NPAS1: variants seen among roughly 807,000 people sequenced by gnomAD.
NPAS1 encodes the protein neuronal PAS domain protein 1.
Under a neutral mutation model 49.2 loss-of-function variants are expected in NPAS1, and 29 were observed. That is an observed-to-expected ratio of 0.59 (90% CI 0.44 to 0.80). NPAS1 has a LOEUF of 0.80. Ranked by LOEUF, NPAS1 falls within the 30% of genes least tolerant of loss-of-function variation. The pLI, the probability that NPAS1 is intolerant of heterozygous loss-of-function variation, is 0.00. For synonymous variants in NPAS1, 408 were observed against 380.4 expected, an observed-to-expected ratio of 1.07 and a Z score of -0.84; for missense variants, 825 against 835.5, an observed-to-expected ratio of 0.99 and a Z score of 0.15.
Position 47,045,570 on chromosome 19 carries a change from G to A in NPAS1, c.1692G>A (p.Ala564=), listed in dbSNP as rs1032703471. The A allele has an allele frequency of 1.3e-6, 2 of 1,492,550 alleles. No individual in the cohort carries two copies. Among genetic ancestry groups the A allele is most frequent in the Non-Finnish European group, 1.8e-6 (2 of 1,131,696 alleles). 92.5% of individuals were successfully genotyped at this position (1,492,550 alleles called of 1,614,324 possible). ...PHLQRLGPGP[A]LPEAFYPPLG... ...TGCAGAGGCTGGGTCCGGGCCCCGC[G>A]CTCCCGGAGGCCTTTTACCCGCCCC... Residue 564 remains alanine (A), a synonymous_variant, in exon 12 of 12, where the codon GCG becomes GCA. Coordinates refer to ENST00000602212, the MANE Select transcript of NPAS1 (RefSeq NM_002517.4).
intron 11 of NPAS1, among the ~76,000 whole-genome samples, chr19:47,044,005 G>A (rs1419129001): frequency 6.6e-6 from 1 of 152,142 alleles, no homozygotes. Context: ...GTTAGAGGCT[G>A]CAGTGCGCTG....
chr19:47,032,597 G>C (rs1398424048), intron 4 of NPAS1, 46 bp from the exon 5 acceptor site: 1 of 1,550,946 alleles, frequency 6.4e-7, no homozygotes, highest in African/African-American at 1.4e-5. Context: ...TGGACAGAGG[G>C]ACACCGGGTC....
intron 5 of NPAS1, among the ~76,000 whole-genome samples, chr19:47,033,481 A>G (rs2056922615): frequency 6.6e-6 from 1 of 151,902 alleles, no homozygotes; most frequent in African/African-American, 2.4e-5. Context: ...ATCTCAGGCA[A>G]TCCGCCTGCC....
Position 47,035,905 on chromosome 19 carries a change from G to A in NPAS1, c.523-59G>A, listed in dbSNP as rs533813857. The A allele has an allele frequency of 1.2e-5, 17 of 1,452,580 alleles. No individual in the cohort carries two copies. In the East Asian group the frequency reaches 3.5e-4, roughly 30 times the overall value. 90.0% of individuals were successfully genotyped at this position (1,452,580 alleles called of 1,614,324 possible). On this transcript the variant is annotated intron_variant, in intron 5 of 11. Transcript: ENST00000602212. ...TGAGGCAAGGCTGAGCCCAGAGGGC[G>A]AGCGAGTTACTGCGCGCGCACCTCA...
rs1281717779 is a variant in NPAS1, at chr19:47,040,453, C to T, written c.972C>T (p.Asp324=). 2 of 1,596,192 alleles carry T rather than the reference C, an allele frequency of 1.3e-6. No homozygotes were observed. The highest frequency in any genetic ancestry group is 2.3e-5 in the South Asian group (2 of 87,904). ...CTCTGTCACCCCCCAGAGTCAGCGA[C>T]CACATGGACCTGGGGCCCTCAGAGC... ...TILACESRVS[D]HMDLGPSELV... The change falls in exon 9 of 12, where the codon GAC becomes GAT. Residue 324 remains aspartate (D), a synonymous_variant. Coordinates refer to ENST00000602212, the MANE Select transcript of NPAS1 (RefSeq NM_002517.4).
intron 3 of NPAS1, among the ~76,000 whole-genome samples, chr19:47,023,040 C>T (rs775882866): frequency 4.6e-5 from 7 of 152,244 alleles, no homozygotes; most frequent in Non-Finnish European, 8.8e-5. Context: ...GGCTCCAATT[C>T]CCCTCCTGCC....
chr19:47,035,968 A>C lies in NPAS1; in HGVS notation c.527A>C (p.Glu176Ala), dbSNP rs1216445495. The change falls in exon 6 of 12, where the codon GAG becomes GCG. Residue 176 changes from glutamate (E) to alanine (A), a missense_variant. Physicochemically the swap from Glu to Ala is moderately radical, Grantham distance 107. Coordinates refer to ENST00000602212, the MANE Select transcript of NPAS1 (RefSeq NM_002517.4). The part of the protein sequence containing the change: ...VSIYLGLSQV[E>A]MTGSSVFDYI... ...ATTCCCCTCCTTCGCCGGCAGGTGG[A>C]GATGACGGGCAGCAGCGTCTTCGAC... The C allele has an allele frequency of 6.6e-7, 1 of 1,519,606 alleles. No individual in the cohort carries two copies. The highest frequency in any genetic ancestry group is 1.4e-5 in the African/African-American group (1 of 71,620). 94.1% of individuals were successfully genotyped at this position (1,519,606 alleles called of 1,614,324 possible).
chr19:47,045,069 A>C (rs10423289), intron 11 of NPAS1, 122 bp from the exon 12 acceptor site: 291,047 of 922,754 alleles, frequency 0.32, 50,449 homozygotes, highest in African/African-American at 0.53. Flanking sequence ...AACAAACAAA[A>C]AAAAAAACCC....
chr19:47,024,110 T>C (rs923642089), intron 3 of NPAS1, among the ~76,000 whole-genome samples: 2 of 151,348 alleles, frequency 1.3e-5, no homozygotes, highest in Admixed American at 6.6e-5. Flanking sequence ...TCTCAAAAAA[T>C]ATATAAAAAT....
In NPAS1 at chr19:47,039,412, C is replaced by T. The variant is rs757979823; in HGVS notation, c.810C>T (p.Ile270=). The T allele has an allele frequency of 3.7e-6, 6 of 1,611,818 alleles. No individual in the cohort carries two copies. The South Asian group carries it at 6.6e-5, about 18-fold the overall frequency. The change falls in exon 8 of 12, where the codon ATC becomes ATT. Residue 270 remains isoleucine (I), a synonymous_variant. Transcript: ENST00000602212. ...LHVKASGYKV[I]HVTGRLRAHA... ...ACCATGCCCACCACCAGCAGGTCAT[C>T]CACGTGACTGGGCGCCTTCGGGCCC...
At chr19:47,040,242 C>T (rs1453325378) in intron 8 of NPAS1, among the ~76,000 whole-genome samples, 1 of 152,014 alleles carries the variant, frequency 6.6e-6, no homozygotes, top group Non-Finnish European at 1.5e-5. Context: ...AGGCTGGTCT[C>T]GAACTCCTGA....
At chr19:47,043,266 G>A (rs1185299960) in intron 11 of NPAS1, among the ~76,000 whole-genome samples, 12 of 83,558 alleles carry the variant, frequency 1.4e-4, no homozygotes, top group East Asian at 9.5e-4. Context: ...GCGACAGAGC[G>A]AGACTCTGTC....
chr19:47,022,255 C>G (rs1339739272), intron 3 of NPAS1, among the ~76,000 whole-genome samples: 2 of 152,302 alleles, frequency 1.3e-5, no homozygotes, highest in Non-Finnish European at 2.9e-5. Flanking sequence ...TGAGGGGCCC[C>G]GGCGGGAACG....
At chr19:47,035,050 A>G (rs184983519) in intron 5 of NPAS1, among the ~76,000 whole-genome samples, 28 of 151,386 alleles carry the variant, frequency 1.8e-4, no homozygotes, top group South Asian at 2.1e-4. Flanking sequence ...GTGTGTTGGC[A>G]CATGCCTGTA....
In NPAS1 at chr19:47,039,433, G is replaced by A; in HGVS notation, c.831G>A (p.Arg277=). 1 of 1,611,900 alleles carries A rather than the reference G, an allele frequency of 6.2e-7. No individual in the cohort carries two copies. Reference sequence around the variant, plus strand: ...TCATCCACGTGACTGGGCGCCTTCGGGCCCACGCCCTGGGCCTTGTGGCCC... The same window carrying A: ...TCATCCACGTGACTGGGCGCCTTCGAGCCCACGCCCTGGGCCTTGTGGCCC... ...YKVIHVTGRL[R]AHALGLVALG... is the part of the protein sequence containing the mutation. Residue 277 remains arginine, a synonymous_variant, in exon 8 of 12, where the codon CGG becomes CGA. Coordinates refer to ENST00000602212, the MANE Select transcript of NPAS1 (RefSeq NM_002517.4).
chr19:47,026,680 G>GT (rs1284973830), intron 3 of NPAS1, among the ~76,000 whole-genome samples: 1 of 152,022 alleles, frequency 6.6e-6, no homozygotes, highest in Non-Finnish European at 1.5e-5. Context: ...GTGCGGCCGG[G>GT]GCGGTGGCTC....
chr19:47,037,972 G>C (rs975702031), intron 6 of NPAS1, among the ~76,000 whole-genome samples: 2 of 152,210 alleles, frequency 1.3e-5, no homozygotes, highest in Non-Finnish European at 2.9e-5. Flanking sequence ...ACCCACCTGG[G>C]GCTCCCAGTC....
At chr19:47,043,320 T>G (rs1161940477) in intron 11 of NPAS1, among the ~76,000 whole-genome samples, 7 of 138,150 alleles carry the variant, frequency 5.1e-5, no homozygotes, top group Non-Finnish European at 9.2e-5. Flanking sequence ...CCAGGAGTGG[T>G]GACTCAAGCC....
At chr19:47,043,987 G>T (rs1375667115) in intron 11 of NPAS1, among the ~76,000 whole-genome samples, 1 of 151,644 alleles carries the variant, frequency 6.6e-6, no homozygotes, top group Non-Finnish European at 1.5e-5. Flanking sequence ...GATTTCTTGA[G>T]CCCGGGAGTT....
Sources: gnomAD v4.1 joint callset for allele counts (sites outside exome capture counted in the v4.1 genomes callset) on GRCh38, gnomAD v4.1.1 for gene constraint, MANE v1.5 for transcripts, NCBI Gene and HGNC (gene_info 2026-07-23, HGNC 2026-07-21) for gene names.